Variants in DNAH14 observed in about 807,000 individuals in gnomAD.
DNAH14 encodes the protein dynein axonemal heavy chain 14, also known as axonemal beta dynein heavy chain 14.
A neutral mutation model predicts 520.9 loss-of-function variants in DNAH14; 478 were observed. The observed-to-expected ratio is 0.92, with a 90% CI of 0.85 to 0.99. DNAH14 has a LOEUF of 0.99. Among genes scored for constraint, DNAH14 ranks in the 50% least tolerant of loss-of-function variants. DNAH14 has a pLI of 0.00. For synonymous variants in DNAH14, 1,581 were observed against 1,757.2 expected, an observed-to-expected ratio of 0.90 and a Z score of 2.51; for missense variants, 4,831 against 5,234.5, an observed-to-expected ratio of 0.92 and a Z score of 2.38.
At chr1:225,184,295 GA>G (rs2084404247) in intron 36 of DNAH14, among the ~76,000 whole-genome samples, 1 of 151,036 alleles carries the variant, frequency 6.6e-6, no homozygotes, top group African/African-American at 2.4e-5. Context: ...GCAAATTAAT[GA>G]ATGTGATTCA....
chr1:225,346,316 A>G lies in DNAH14; in HGVS notation c.11033A>G (p.Glu3678Gly). 1 of 1,541,492 alleles carries G rather than the reference A, an allele frequency of 6.5e-7. No individual in the cohort carries two copies. The highest frequency in any genetic ancestry group is 8.7e-7 in the Non-Finnish European group (1 of 1,144,534). Residue 3678 changes from glutamate to glycine, a missense_variant, in exon 70 of 86, where the codon GAG becomes GGG. Coordinates refer to ENST00000682510, the MANE Select transcript of DNAH14 (RefSeq NM_001367479.1). ...SISKEPNLEN[E>G]KNLLDKHIKS... is the part of the protein sequence containing the mutation. ...TCAAAAGAACCCAACCTGGAAAATG[A>G]GAAAAATCTCTTAGATAAGCATATT... is the stretch of plus-strand genomic sequence containing the variant.
intron 66 of DNAH14, among the ~76,000 whole-genome samples, chr1:225,335,347 G>GCACA (rs2094929984): frequency 2.8e-5 from 2 of 71,862 alleles, no homozygotes; most frequent in Non-Finnish European, 5.5e-5. Context: ...ACATGTGTGT[G>GCACA]TATATGCATA....
At chr1:225,338,356 G>A in intron 68 of DNAH14, 174 bp downstream of exon 68, 1 of 821,574 alleles carries the variant, frequency 1.2e-6, no homozygotes, top group African/African-American at 1.7e-5. Context: ...ATACAGAAGA[G>A]ATAACCGATT....
intron 1 of DNAH14, among the ~76,000 whole-genome samples, chr1:224,939,689 C>CAA (rs113656668): frequency 2.0e-5 from 3 of 150,888 alleles, no homozygotes; most frequent in African/African-American, 7.3e-5. Context: ...ATCTCAACAA[C>CAA]AAAAAAAACT....
intron 36 of DNAH14, among the ~76,000 whole-genome samples, chr1:225,169,057 C>A (rs2082330281): frequency 6.6e-6 from 1 of 152,168 alleles, no homozygotes; most frequent in Non-Finnish European, 1.5e-5. Context: ...AATGGACCTC[C>A]AGCAAAATCC....
chr1:225,344,607 A>G (rs1031620057), intron 69 of DNAH14, among the ~76,000 whole-genome samples: 2 of 152,034 alleles, frequency 1.3e-5, no homozygotes, highest in African/African-American at 4.8e-5. Context: ...TATGTACCAC[A>G]TTTTCTTCAT....
chr1:225,230,980 A>T (rs1177269039), intron 41 of DNAH14, 93 bp from the exon 42 acceptor site: 2 of 761,468 alleles, frequency 2.6e-6, no homozygotes, highest in African/African-American at 1.8e-5. Context: ...ATAATTCACT[A>T]ACTAAACAAT....
Position 225,080,632 on chromosome 1 carries a change from AG to A in DNAH14, c.3022del (p.Glu1008SerfsTer19). 6.4e-7 allele frequency: 1 copy of A among 1,552,048 alleles called. No individual in the cohort carries two copies. Among genetic ancestry groups the A allele is most frequent in the East Asian group, 2.4e-5 (1 of 40,908 alleles). ...AGGAAAAAACTATGGGAAGCACAAG[AG>A]GAGTGGAAGCGAGCCTCTTGGGAAT... ...TLRKKLWEAQEEWKRASWEWR... is the reference protein window; with the variant it reads ...TLRKKLWEAQXEWKRASWEWR... On this transcript the variant is annotated frameshift_variant, in exon 19 of 86. Transcript: ENST00000682510. LOFTEE classifies it high-confidence loss of function.
intron 34 of DNAH14, 101 bp downstream of exon 34, chr1:225,153,927 C>G (rs2080770931): frequency 2.5e-6 from 2 of 801,006 alleles, no homozygotes; most frequent in Non-Finnish European, 3.9e-6. Context: ...AACAGGGAGC[C>G]CCGCAGACTG....
At chr1:225,156,709 CTTTTTTTT>C (rs71170061) in intron 34 of DNAH14, among the ~76,000 whole-genome samples, 9 of 68,152 alleles carry the variant, frequency 1.3e-4, no homozygotes, top group South Asian at 6.8e-4. Context: ...TCTTAAAATT[CTTTTTTTT>C]TTTTTTTTTT....
At chr1:225,193,136 A>T (rs1295650541) in intron 38 of DNAH14, among the ~76,000 whole-genome samples, 1 of 152,166 alleles carries the variant, frequency 6.6e-6, no homozygotes, top group East Asian at 1.9e-4. Context: ...AGTTAAAGAT[A>T]TTTGCTTTTA....
Position 225,266,712 on chromosome 1 carries a change from G to A in DNAH14, c.7482G>A (p.Leu2494=). 6.5e-7 allele frequency: 1 copy of A among 1,528,266 alleles called. No homozygotes were observed. Among genetic ancestry groups the A allele is most frequent in the Non-Finnish European group, 8.8e-7 (1 of 1,140,924 alleles). 94.7% of individuals were successfully genotyped at this position (1,528,266 alleles called of 1,614,324 possible). ...DMYGAQPPLE[L]IRQLLDLGGV... ...ATGGAGCACAGCCACCCCTGGAATTGATAAGACAATTGTTAGATTTGGGAG... is the reference window on the plus strand; with the variant it reads ...ATGGAGCACAGCCACCCCTGGAATTAATAAGACAATTGTTAGATTTGGGAG... Residue 2494 remains leucine, a synonymous_variant, in exon 49 of 86, where the codon TTG becomes TTA. Coordinates refer to ENST00000682510, the MANE Select transcript of DNAH14 (RefSeq NM_001367479.1).
At chr1:225,110,833 T>G (rs1357512295) in intron 23 of DNAH14, among the ~76,000 whole-genome samples, 1 of 152,074 alleles carries the variant, frequency 6.6e-6, no homozygotes, top group Non-Finnish European at 1.5e-5. Context: ...ATGTTGTGTT[T>G]CTGTTATTAT....
intron 81 of DNAH14, among the ~76,000 whole-genome samples, chr1:225,383,987 C>T (rs560887824): frequency 1.6e-4 from 24 of 152,270 alleles, no homozygotes; most frequent in Non-Finnish European, 3.1e-4. Flanking sequence ...GCCTTCATTT[C>T]GTCATGTACC....
chr1:224,945,112 C>T (rs558817909), intron 1 of DNAH14, among the ~76,000 whole-genome samples: 7 of 152,146 alleles, frequency 4.6e-5, no homozygotes, highest in Admixed American at 1.3e-4. Context: ...CCATTCTCCC[C>T]GTCATTTTCA....
intron 27 of DNAH14, among the ~76,000 whole-genome samples, chr1:225,125,314 A>T (rs2077629784): frequency 6.6e-6 from 1 of 152,210 alleles, no homozygotes; most frequent in Admixed American, 6.5e-5. Context: ...CTCCAACTAC[A>T]AAAGTCTTGG....
intron 5 of DNAH14, among the ~76,000 whole-genome samples, chr1:224,965,213 A>G (rs1203225954): frequency 1.3e-5 from 2 of 152,154 alleles, no homozygotes; most frequent in East Asian, 1.9e-4. Context: ...ATCTCTCCCT[A>G]CTGTTAGATA....
rs371791776 is a variant in DNAH14, at chr1:225,383,671, T to C, written c.13077+2092T>C. Among the ~76,000 whole-genome samples, 3 of 152,290 alleles carry C rather than the reference T, an allele frequency of 2.0e-5. No individual in the cohort carries two copies. The South Asian group carries it at 6.2e-4, about 32-fold the overall frequency. On this transcript the variant is annotated intron_variant, in intron 81 of 85. Coordinates refer to ENST00000682510, the MANE Select transcript of DNAH14 (RefSeq NM_001367479.1). ...AAAGACGTGCTGTGTGAGAAACAGA[T>C]GAAGACATCCTGTTTTGGACATGGA... is the stretch of plus-strand genomic sequence containing the variant.
chr1:225,000,889 A>G (rs969497188), intron 8 of DNAH14, among the ~76,000 whole-genome samples: 1 of 151,980 alleles, frequency 6.6e-6, no homozygotes, highest in Admixed American at 6.6e-5. Flanking sequence ...TTACCACCCA[A>G]TGGGGACAAA....
Sources: allele counts gnomAD v4.1 joint callset (sites outside exome capture counted in the v4.1 genomes callset), GRCh38; gene constraint gnomAD v4.1.1; transcripts MANE v1.5; gene names NCBI Gene and HGNC (gene_info 2026-07-23, HGNC 2026-07-21).